VPS13B: variants seen among roughly 807,000 people sequenced by gnomAD.
VPS13B encodes the protein intermembrane lipid transfer protein VPS13B.
VPS13B carries 285 observed loss-of-function variants against 426.4 expected under a neutral mutation model. That is an observed-to-expected ratio of 0.67 (90% CI 0.61 to 0.74). The LOEUF (loss-of-function observed/expected upper bound fraction) is 0.74, where lower values mean the gene tolerates loss of function less well. Among genes scored for constraint, VPS13B ranks in the 30% least tolerant of loss-of-function variants. The probability of loss-of-function intolerance (pLI) is 0.00; values close to 1 mark genes in which losing one functional copy is unlikely to be tolerated. For synonymous variants in VPS13B, 1,676 were observed against 1,676.4 expected (o/e 1.00, Z 0.01); for missense variants, 4,537 against 4,782.6 (o/e 0.95, Z 1.51).
chr8:99,017,504 T>TA (rs1365501063), intron 2 of VPS13B, among the ~76,000 whole-genome samples: 1 of 151,778 alleles, frequency 6.6e-6, no homozygotes, highest in African/African-American at 2.4e-5. Context: ...TTTTTTATTT[T>TA]TATTTTTTGA....
At chr8:99,856,195 C>T (rs1816536260) in intron 56 of VPS13B, among the ~76,000 whole-genome samples, 1 of 152,176 alleles carries the variant, frequency 6.6e-6, no homozygotes. Flanking sequence ...ATAGAATTCA[C>T]CCAAAAATCC....
chr8:99,691,360 G>A (rs1441319223), intron 35 of VPS13B, among the ~76,000 whole-genome samples: 1 of 151,938 alleles, frequency 6.6e-6, no homozygotes, highest in East Asian at 1.9e-4. Flanking sequence ...GCTATTGAAA[G>A]GTAATTTTTG....
chr8:99,346,305 C>G (rs1588275923), intron 19 of VPS13B: 1 of 152,272 alleles, frequency 6.6e-6, no homozygotes, highest in Non-Finnish European at 1.5e-5. Flanking sequence ...TTTCTTGAAG[C>G]TAGTTTCCTG....
In VPS13B at chr8:99,442,575, A is replaced by G. The variant is rs371315874; in HGVS notation, c.3385A>G (p.Lys1129Glu). Reference sequence around the variant, plus strand: ...AATAAAGATTATTAGTGCTGGGCACAAGTATATGGAACCTCTGCAGGAGAT... The same window carrying G: ...AATAAAGATTATTAGTGCTGGGCACGAGTATATGGAACCTCTGCAGGAGAT... Reference protein sequence around the residue: ...PQIKIISAGHKYMEPLQEIPF... With the variant: ...PQIKIISAGHEYMEPLQEIPF... The change falls in exon 23 of 62, where the codon AAG (lysine) becomes GAG (glutamate). Residue 1129 changes from lysine (K) to glutamate (E), a missense_variant. Coordinates refer to ENST00000357162, the MANE Select transcript of VPS13B (RefSeq NM_152564.5). The G allele has an allele frequency of 1.2e-6, 2 of 1,613,890 alleles. No homozygotes were observed. The highest frequency in any genetic ancestry group is 2.7e-5 in the African/African-American group (2 of 74,926).
At chr8:99,297,046 A>C (rs1002621316) in intron 19 of VPS13B, among the ~76,000 whole-genome samples, 1 of 152,144 alleles carries the variant, frequency 6.6e-6, no homozygotes, top group African/African-American at 2.4e-5. Context: ...TTTTGAAGAC[A>C]TCTCGTGTAC....
chr8:99,587,626 A>G (rs1826374732), intron 33 of VPS13B, among the ~76,000 whole-genome samples: 1 of 151,178 alleles, frequency 6.6e-6, no homozygotes, highest in South Asian at 2.1e-4. Flanking sequence ...GTCTTCTTTT[A>G]AAGTGTCTAT....
At position 99,469,350 on chromosome 8, in the gene VPS13B, AT is replaced by A. The variant is rs1342696208; in HGVS notation, c.3666+1723del. Among the ~76,000 whole-genome samples, 4 of 151,606 alleles carry A rather than the reference AT, an allele frequency of 2.6e-5. No homozygotes were observed. In the East Asian group the frequency reaches 5.8e-4, roughly 22 times the overall value. On this transcript the variant is annotated intron_variant, in intron 24 of 61. Transcript: ENST00000357162. ...TGACCAGCTAATTTATTTCATTTTT[AT>A]TTTTTTGTAGAACAGGGTCTCGCTT...
intron 35 of VPS13B, among the ~76,000 whole-genome samples, chr8:99,675,739 T>C (rs1214599328): frequency 6.6e-6 from 1 of 152,102 alleles, no homozygotes; most frequent in Non-Finnish European, 1.5e-5. Flanking sequence ...TTCTCTTTTT[T>C]ATCTTTCATT....
intron 3 of VPS13B, among the ~76,000 whole-genome samples, chr8:99,085,941 T>C (rs1234125657): frequency 1.3e-5 from 2 of 151,890 alleles, no homozygotes; most frequent in African/African-American, 4.8e-5. Context: ...GCAACAATTA[T>C]GTTGCTCTTC....
intron 8 of VPS13B, among the ~76,000 whole-genome samples, chr8:99,129,246 A>T (rs1809617794): frequency 6.6e-6 from 1 of 151,854 alleles, no homozygotes; most frequent in Non-Finnish European, 1.5e-5. Flanking sequence ...AGGGATAAGG[A>T]TTCATCTTCA....
chr8:99,543,043 A>G (rs986812774), intron 30 of VPS13B, among the ~76,000 whole-genome samples: 3 of 152,138 alleles, frequency 2.0e-5, no homozygotes, highest in African/African-American at 4.8e-5. Flanking sequence ...GAGGCATCAC[A>G]CTACCTGACT....
chr8:99,585,176 A>G (rs1166128823), intron 33 of VPS13B, among the ~76,000 whole-genome samples: 2 of 152,178 alleles, frequency 1.3e-5, no homozygotes, highest in Non-Finnish European at 2.9e-5. Context: ...GGACAGTGAA[A>G]AAAATTAATC....
At chr8:99,109,574 TGTTTCACC>T (rs1017096957) in intron 5 of VPS13B, among the ~76,000 whole-genome samples, 5 of 152,046 alleles carry the variant, frequency 3.3e-5, no homozygotes, top group Non-Finnish European at 7.4e-5. Flanking sequence ...GTAGAGATGG[TGTTTCACC>T]ACTTTGCCCA....
intron 39 of VPS13B, among the ~76,000 whole-genome samples, chr8:99,764,628 C>T (rs2130610621): frequency 6.6e-6 from 1 of 151,998 alleles, no homozygotes; most frequent in South Asian, 2.1e-4. Context: ...GTTGATCAGG[C>T]TGGTCTTGAA....
chr8:99,071,915 T>C (rs972466740), intron 3 of VPS13B, among the ~76,000 whole-genome samples: 5 of 152,092 alleles, frequency 3.3e-5, no homozygotes, highest in Non-Finnish European at 5.9e-5. Flanking sequence ...GGGCCAAAGG[T>C]TTGTCAGTCA....
intron 39 of VPS13B, among the ~76,000 whole-genome samples, chr8:99,734,144 C>A (rs1206074974): frequency 1.3e-5 from 2 of 152,132 alleles, no homozygotes; most frequent in African/African-American, 4.8e-5. Flanking sequence ...TGACTGGCTT[C>A]TGTCATTTAG....
chr8:99,424,286 T>C (rs931164065), intron 21 of VPS13B: 17 of 152,228 alleles, frequency 1.1e-4, no homozygotes, highest in African/African-American at 4.1e-4. Context: ...CATCCCTTTA[T>C]TTTGAGCCTA....
intron 25 of VPS13B, among the ~76,000 whole-genome samples, chr8:99,497,585 A>AT (rs1820997170): frequency 6.6e-6 from 1 of 151,860 alleles, no homozygotes; most frequent in Non-Finnish European, 1.5e-5. Flanking sequence ...TTCCTTTTTT[A>AT]ATGTCCAGTA....
At chr8:99,716,831 C>T (rs1170320882) in intron 36 of VPS13B, among the ~76,000 whole-genome samples, 1 of 152,116 alleles carries the variant, frequency 6.6e-6, no homozygotes, top group Non-Finnish European at 1.5e-5. Context: ...ATCATGTTAA[C>T]AATAGACAAA....
Sources: allele counts gnomAD v4.1 joint callset (sites outside exome capture counted in the v4.1 genomes callset), GRCh38; gene constraint gnomAD v4.1.1; transcripts MANE v1.5; gene names NCBI Gene and HGNC (gene_info 2026-07-23, HGNC 2026-07-21).